IQGAP2: variants seen among roughly 807,000 people sequenced by gnomAD.
IQGAP2 encodes the protein ras GTPase-activating-like protein IQGAP2.
IQGAP2 carries 173 observed loss-of-function variants against 201.3 expected under a neutral mutation model. That is an observed-to-expected ratio of 0.86 (90% CI 0.76 to 0.98). The LOEUF (loss-of-function observed/expected upper bound fraction) is 0.98. Ranked by LOEUF, IQGAP2 falls within the 50% of genes least tolerant of loss-of-function variation. The pLI is 0.00. For synonymous variants in IQGAP2, 675 were observed against 673.9 expected (o/e 1.00, Z -0.03); for missense variants, 1,687 against 1,864.8 (o/e 0.90, Z 1.76).
At chr5:76,486,445 T>C (rs923658254) in intron 2 of IQGAP2, among the ~76,000 whole-genome samples, 1 of 152,216 alleles carries the variant, frequency 6.6e-6, no homozygotes, top group Non-Finnish European at 1.5e-5. Context: ...CTTATATTAA[T>C]ATACTGCTTT....
In IQGAP2 at chr5:76,514,628, CCT is replaced by C. The variant is rs1440181062; in HGVS notation, c.147-47763_147-47762del. Among the ~76,000 whole-genome samples the C allele has an allele frequency of 9.2e-5, 14 of 152,202 alleles. No individual in the cohort carries two copies. The East Asian group carries it at 2.7e-3, about 29-fold the overall frequency. ...CCATCACCTGCATCACGTGGTCTGT[CCT>C]CTCTGAAATCTCGTTAGAAGCAGTC... On this transcript the variant is annotated intron_variant, in intron 2 of 35. Transcript: ENST00000274364.
At chr5:76,586,105 A>G (rs1006617855) in intron 5 of IQGAP2, among the ~76,000 whole-genome samples, 2 of 152,192 alleles carry the variant, frequency 1.3e-5, no homozygotes, top group Non-Finnish European at 2.9e-5. Context: ...GTTGGCATGA[A>G]CCTTTGGTAG....
At chr5:76,639,078 G>A (rs894045198) in intron 16 of IQGAP2, among the ~76,000 whole-genome samples, 31 of 152,292 alleles carry the variant, frequency 2.0e-4, no homozygotes, top group African/African-American at 7.0e-4. Flanking sequence ...CATAAACATA[G>A]CCAAGTACCC....
At position 76,495,057 on chromosome 5, in the gene IQGAP2, AATAAATAC is replaced by A. The variant is rs1214681052; in HGVS notation, c.146+33403_146+33410del. Among the ~76,000 whole-genome samples, 3 of 152,238 alleles carry A rather than the reference AATAAATAC, an allele frequency of 2.0e-5. No homozygotes were observed. The East Asian group carries it at 5.8e-4, about 29-fold the overall frequency. On this transcript the variant is annotated intron_variant, in intron 2 of 35. Transcript: ENST00000274364. Reference sequence around the variant, plus strand: ...GGTTCTTAGAAGGCAAAAATAAATAAATAAATACATAAATACATAAATTTTAAAAACCC... The same window carrying A: ...GGTTCTTAGAAGGCAAAAATAAATAAATAAATACATAAATTTTAAAAACCC...
chr5:76,537,550 G>T (rs1580406253), intron 2 of IQGAP2, among the ~76,000 whole-genome samples: 2 of 151,690 alleles, frequency 1.3e-5, no homozygotes, highest in East Asian at 3.9e-4. Context: ...TAGTTGTCGA[G>T]TACTGGTATT....
intron 2 of IQGAP2, among the ~76,000 whole-genome samples, chr5:76,483,773 T>C (rs568542319): frequency 4.7e-4 from 72 of 152,356 alleles, no homozygotes; most frequent in African/African-American, 1.4e-3. Context: ...TGTTCTCTTA[T>C]GCTAGTCCTG....
Position 76,700,327 on chromosome 5 carries a change from C to T in IQGAP2, c.4368-749C>T, listed in dbSNP as rs572534099. Among the ~76,000 whole-genome samples, 5 of 152,204 alleles carry T rather than the reference C, an allele frequency of 3.3e-5. 1 individual carries two copies. The South Asian group carries it at 8.3e-4, about 25-fold the overall frequency. On this transcript the variant is annotated intron_variant, in intron 33 of 35. Coordinates refer to ENST00000274364, the MANE Select transcript of IQGAP2 (RefSeq NM_006633.5). ...AGCCTCACCAGCTTGGCTGACGTGG[C>T]GAAACTCCTTCTCCTCTAAAAATAC... is the stretch of plus-strand genomic sequence containing the variant.
intron 2 of IQGAP2, among the ~76,000 whole-genome samples, chr5:76,520,301 A>G (rs1050501333): frequency 2.6e-5 from 4 of 152,136 alleles, no homozygotes; most frequent in Non-Finnish European, 5.9e-5. Context: ...TCTCCATTGA[A>G]TTGCCTTTAT....
At chr5:76,534,217 G>A (rs1260872465) in intron 2 of IQGAP2, among the ~76,000 whole-genome samples, 1 of 152,208 alleles carries the variant, frequency 6.6e-6, no homozygotes, top group Non-Finnish European at 1.5e-5. Context: ...AGCATGGTGT[G>A]TGGCCACTAG....
Position 76,641,027 on chromosome 5 carries a change from G to A in IQGAP2, c.2018G>A (p.Gly673Glu), listed in dbSNP as rs371907881. 13 of 1,611,484 alleles carry A rather than the reference G, an allele frequency of 8.1e-6. No individual in the cohort carries two copies. Among genetic ancestry groups the A allele is most frequent in the African/African-American group, 1.3e-5 (1 of 74,856 alleles). The stretch of plus-strand genomic sequence containing the variant: ...CTTCGCTTTCAAGCCACAAGCTCAG[G>A]ACCCATCCTTAGGGAAGAGTTTGAA... ...LLLRFQATSS[G>E]PILREEFEAR... The change falls in exon 17 of 36, where the codon GGA (glycine) becomes GAA (glutamate). Residue 673 changes from glycine (G) to glutamate (E), a missense_variant. Coordinates refer to ENST00000274364, the MANE Select transcript of IQGAP2 (RefSeq NM_006633.5).
chr5:76,536,065 C>CTTTTTTTTT (rs545584812), intron 2 of IQGAP2, among the ~76,000 whole-genome samples: 1 of 123,740 alleles, frequency 8.1e-6, no homozygotes, highest in Non-Finnish European at 1.6e-5. Flanking sequence ...GGAGCATATT[C>CTTTTTTTTT]TTTTTTTTTT....
rs1462868931 is a variant in IQGAP2 at position 76,403,463 on chromosome 5, G to C, written c.-83G>C. 3.6e-6 allele frequency: 4 copies of C among 1,099,226 alleles called. No homozygotes were observed. The highest frequency in any genetic ancestry group is 6.6e-5 in the East Asian group (2 of 30,332). The allele number at this position is 1,099,226 out of a possible 1,614,324, so 68.1% of individuals were successfully genotyped here. On this transcript the variant is annotated 5_prime_UTR_variant, in exon 1 of 36. Coordinates refer to ENST00000274364, the MANE Select transcript of IQGAP2 (RefSeq NM_006633.5). This position sits in a 1 kb window ranked among gnomAD's most constrained non-coding sequence, Gnocchi z 4.8. ...GCGAGAGGCGGGATCCGAGCGCGCC[G>C]GCGGGGCGCAGAGCCCGCGAGCCTG...
rs1010277971 is a variant in IQGAP2 at position 76,673,684 on chromosome 5, C to T, written c.3209+95C>T. ...CCCTGTAGTGAAGACAGCAGTTTTC[C>T]CTTATATTGTGTTTACTATTTTAAA... On this transcript the variant is annotated intron_variant, in intron 25 of 35. Coordinates refer to ENST00000274364, the MANE Select transcript of IQGAP2 (RefSeq NM_006633.5). The T allele has an allele frequency of 5.5e-6, 7 of 1,262,650 alleles. No homozygotes were observed. The African/African-American group carries it at 1.1e-4, about 19-fold the overall frequency. The allele number at this position is 1,262,650 out of a possible 1,614,324, so 78.2% of individuals were successfully genotyped here. A position where few individuals can be genotyped will look rare whatever the true frequency, so the allele number is the denominator to read the frequency against.
intron 2 of IQGAP2, among the ~76,000 whole-genome samples, chr5:76,547,635 A>T (rs1262989783): frequency 6.6e-6 from 1 of 152,238 alleles, no homozygotes; most frequent in African/African-American, 2.4e-5. Flanking sequence ...ACCAAAATGT[A>T]TGCGTAAGCC....
At chr5:76,652,855 A>T (rs765117770) in intron 18 of IQGAP2, 22 bp downstream of exon 18, 1 of 1,471,732 alleles carries the variant, frequency 6.8e-7, no homozygotes, top group South Asian at 1.1e-5. Context: ...TTCCTACCAT[A>T]CCAAGTGCTT....
intron 1 of IQGAP2, among the ~76,000 whole-genome samples, chr5:76,436,890 A>G (rs1580187499): frequency 6.6e-6 from 1 of 151,974 alleles, no homozygotes; most frequent in African/African-American, 2.4e-5. Flanking sequence ...TGTTAAACAT[A>G]CATTTATATG....
At chr5:76,654,452 T>A (rs1752752620) in intron 19 of IQGAP2, among the ~76,000 whole-genome samples, 181 bp downstream of exon 19, 1 of 152,238 alleles carries the variant, frequency 6.6e-6, no homozygotes, top group African/African-American at 2.4e-5. Flanking sequence ...GAAATCATGT[T>A]GAGAGTTAGA....
Position 76,600,975 on chromosome 5 carries a change from A to G in IQGAP2, c.1232+3A>G. ...CTGGACAAGGCATATGTGGAACGGT[A>G]AGGAACATTTTCCAAACCTTCTTTC... On this transcript the variant is annotated splice_donor_region_variant and intron_variant, in intron 11 of 35. Transcript: ENST00000274364. 6.2e-7 allele frequency: 1 copy of G among 1,609,632 alleles called. No individual in the cohort carries two copies. Among genetic ancestry groups the G allele is most frequent in the Non-Finnish European group, 8.5e-7 (1 of 1,176,494 alleles).
At chr5:76,530,577 T>G (rs1759235030) in intron 2 of IQGAP2, among the ~76,000 whole-genome samples, 1 of 152,260 alleles carries the variant, frequency 6.6e-6, no homozygotes, top group African/African-American at 2.4e-5. Context: ...AGGTTTCTCC[T>G]GTTTCAAAAG....
Sources: allele counts gnomAD v4.1 joint callset (sites outside exome capture counted in the v4.1 genomes callset), GRCh38; gene constraint gnomAD v4.1.1; non-coding constraint Gnocchi (gnomAD v3.1); transcripts MANE v1.5; gene names NCBI Gene and HGNC (gene_info 2026-07-23, HGNC 2026-07-21).